Variants in WWOX observed in about 807,000 individuals in gnomAD.
The protein encoded by WWOX is WW domain-containing oxidoreductase.
In WWOX, 69 loss-of-function variants were observed where a neutral mutation model predicts 46.2. The ratio of observed to expected loss-of-function variants is 1.49; its 90% CI spans 1.23 to 1.82. The LOEUF is 1.82. Ranked by LOEUF, WWOX falls within the 40% of genes most tolerant of loss-of-function variation. The pLI, the probability that WWOX is intolerant of heterozygous loss-of-function variation, is 0.00. For synonymous variants in WWOX, 359 were observed against 202.6 expected (o/e 1.77, Z -6.56); for missense variants, 919 against 542.6 (o/e 1.69, Z -6.89).
At chr16:78,548,029 C>T (rs1437808010) in intron 8 of WWOX, among the ~76,000 whole-genome samples, 1 of 151,728 alleles carries the variant, frequency 6.6e-6, no homozygotes, top group Non-Finnish European at 1.5e-5. Context: ...GTGGTGAATG[C>T]CTGTAATCTC....
intron 8 of WWOX, among the ~76,000 whole-genome samples, chr16:78,640,869 G>A (rs1313081878): frequency 6.6e-6 from 1 of 150,854 alleles, no homozygotes; most frequent in African/African-American, 2.4e-5. Flanking sequence ...AACCTGGGAA[G>A]CAGAGGTTGC....
chr16:78,971,059 A>AT (rs145520764), intron 8 of WWOX, among the ~76,000 whole-genome samples: 3,839 of 152,120 alleles, frequency 0.025, 143 homozygotes, highest in African/African-American at 0.087. Context: ...CAGGGTGTAT[A>AT]TATATATGTA....
At chr16:78,334,713 T>A (rs1208183254) in intron 5 of WWOX, among the ~76,000 whole-genome samples, 3 of 151,084 alleles carry the variant, frequency 2.0e-5, no homozygotes, top group African/African-American at 7.3e-5. Context: ...AATAGCTAAC[T>A]AAACAAAATG....
chr16:78,303,957 A>G (rs929222820), intron 5 of WWOX, among the ~76,000 whole-genome samples: 1 of 152,252 alleles, frequency 6.6e-6, no homozygotes, highest in African/African-American at 2.4e-5. Context: ...CAATTCTAGC[A>G]GCTTCTTTTA....
chr16:78,300,085 A>G (rs983205719), intron 5 of WWOX, among the ~76,000 whole-genome samples: 1 of 152,190 alleles, frequency 6.6e-6, no homozygotes, highest in Non-Finnish European at 1.5e-5. Flanking sequence ...GAAAGAATTG[A>G]GTAGAAATTA....
chr16:79,151,154 T>A (rs1216745089), intron 8 of WWOX, among the ~76,000 whole-genome samples: 1 of 152,222 alleles, frequency 6.6e-6, no homozygotes, highest in Admixed American at 6.5e-5. Context: ...CCCCTCCTGC[T>A]TTCCATATGT....
At chr16:79,035,926 G>T (rs112803258) in intron 8 of WWOX, among the ~76,000 whole-genome samples, 3 of 152,306 alleles carry the variant, frequency 2.0e-5, no homozygotes, top group East Asian at 3.9e-4. Context: ...AGCTGCCTCA[G>T]ACTGTCTCAA....
At chr16:79,039,695 A>G (rs894201591) in intron 8 of WWOX, among the ~76,000 whole-genome samples, 3 of 152,176 alleles carry the variant, frequency 2.0e-5, no homozygotes, top group African/African-American at 4.8e-5. Flanking sequence ...AGAAAACATG[A>G]GGAGGAGCAG....
chr16:79,082,645 G>T (rs2048782294), intron 8 of WWOX, among the ~76,000 whole-genome samples: 1 of 152,144 alleles, frequency 6.6e-6, no homozygotes, highest in Non-Finnish European at 1.5e-5. Flanking sequence ...ATAGTTACAG[G>T]CCATTTAAGA....
At chr16:78,120,930 A>G (rs773503743) in intron 4 of WWOX, among the ~76,000 whole-genome samples, 6 of 151,620 alleles carry the variant, frequency 4.0e-5, no homozygotes, top group Non-Finnish European at 7.4e-5. Context: ...TTTCTTTTCC[A>G]TACCTAAATG....
intron 8 of WWOX, among the ~76,000 whole-genome samples, chr16:79,044,717 C>G (rs957105035): frequency 2.6e-5 from 4 of 152,260 alleles, no homozygotes; most frequent in South Asian, 4.2e-4. Context: ...TACATGGTCT[C>G]TGAGCAGGAT....
intron 8 of WWOX, among the ~76,000 whole-genome samples, chr16:78,631,527 G>C (rs1019173580): frequency 6.7e-6 from 1 of 149,350 alleles, no homozygotes; most frequent in African/African-American, 2.4e-5. Flanking sequence ...GATATTTTCA[G>C]TGTTAAAATA....
At position 78,657,195 on chromosome 16, in the gene WWOX, T is replaced by A. The variant is rs71398103; in HGVS notation, c.1056+224443T>A. 1.7e-3 allele frequency among the ~76,000 whole-genome samples: 254 copies of A among 152,200 alleles called. 2 individuals carry two copies. Among genetic ancestry groups the A allele is most frequent in the Middle Eastern group, 3.4e-3 (1 of 294 alleles). On this transcript the variant is annotated intron_variant, in intron 8 of 8. Coordinates refer to ENST00000566780, the MANE Select transcript of WWOX (RefSeq NM_016373.4). ...TGAGGTTTGTCATTTTTACTCTGAG[T>A]CTGTCCATTGTCATCATCTCCACCA...
chr16:78,331,854 T>A (rs895250752), intron 5 of WWOX, among the ~76,000 whole-genome samples: 2 of 152,210 alleles, frequency 1.3e-5, no homozygotes, highest in Non-Finnish European at 2.9e-5. Flanking sequence ...GTGTCAGATG[T>A]CTGTTCAAAT....
Position 78,337,963 on chromosome 16 carries a change from C to T in WWOX, c.517-48897C>T, listed in dbSNP as rs2080932960. On this transcript the variant is annotated intron_variant, in intron 5 of 8. Transcript: ENST00000566780. ...TGGGGTCTTCATCAGTAAGAGACCT[C>T]ACAAGATGCTTTATCAGGTCACTTG... is the stretch of plus-strand genomic sequence containing the variant. Among the ~76,000 whole-genome samples the T allele has an allele frequency of 1.7e-5, 2 of 117,650 alleles. 1 individual carries two copies. The highest frequency in any genetic ancestry group is 5.7e-5 in the African/African-American group (2 of 35,142). The allele number at this position is 117,650 out of a possible 152,430, so 77.2% of individuals were successfully genotyped here.
chr16:78,908,809 G>C (rs1195613036), intron 8 of WWOX, among the ~76,000 whole-genome samples: 1 of 152,196 alleles, frequency 6.6e-6, no homozygotes, highest in African/African-American at 2.4e-5. Context: ...GGTGCCAGCT[G>C]ATCCATCAAT....
chr16:78,182,691 G>A (rs1010986431), intron 5 of WWOX, among the ~76,000 whole-genome samples: 4 of 151,934 alleles, frequency 2.6e-5, no homozygotes, highest in Admixed American at 6.6e-5. Context: ...GGTGGCTCAC[G>A]CCTGTAATCC....
intron 8 of WWOX, among the ~76,000 whole-genome samples, chr16:78,853,937 A>T (rs2052509749): frequency 1.3e-5 from 2 of 152,224 alleles, no homozygotes; most frequent in South Asian, 2.1e-4. Flanking sequence ...CATGGATACA[A>T]ACATATGCCT....
intron 8 of WWOX, among the ~76,000 whole-genome samples, chr16:78,447,894 C>T (rs1463611304): frequency 1.3e-5 from 2 of 152,156 alleles, no homozygotes; most frequent in African/African-American, 2.4e-5. Flanking sequence ...ACGTCCACCT[C>T]CTGGGTTTAA....
Sources: allele counts gnomAD v4.1 joint callset (sites outside exome capture counted in the v4.1 genomes callset), GRCh38; gene constraint gnomAD v4.1.1; transcripts MANE v1.5; gene names NCBI Gene and HGNC (gene_info 2026-07-23, HGNC 2026-07-21).